BAZ1B: variants seen among roughly 807,000 people sequenced by gnomAD.
BAZ1B encodes the protein tyrosine-protein kinase BAZ1B.
Under a neutral mutation model 153.8 loss-of-function variants are expected in BAZ1B, and 22 were observed. The ratio of observed to expected loss-of-function variants is 0.14; its 90% CI spans 0.10 to 0.20. BAZ1B has a LOEUF of 0.20. Among genes scored for constraint, BAZ1B ranks in the 10% least tolerant of loss-of-function variants. The pLI is 1.00. For missense variants in BAZ1B, 1,325 were observed against 1,799.3 expected (o/e 0.74, Z 4.77); for synonymous variants, 676 against 633.4 (o/e 1.07, Z -1.01).
chr7:73,443,830 C>T (rs1554565653), intron 17 of BAZ1B, among the ~76,000 whole-genome samples, 154 bp downstream of exon 17: 2 of 152,222 alleles, frequency 1.3e-5, no homozygotes, highest in Non-Finnish European at 2.9e-5. Context: ...TGTCTGCGTA[C>T]AGGCTCACCC....
intron 4 of BAZ1B, among the ~76,000 whole-genome samples, chr7:73,497,567 ACT>A (rs1324369645): frequency 3.9e-5 from 6 of 151,984 alleles, no homozygotes; most frequent in African/African-American, 1.4e-4. Context: ...GACATACCTA[ACT>A]CTTTGTTCTT....
At chr7:73,461,243 T>C (rs1788386659) in intron 12 of BAZ1B, among the ~76,000 whole-genome samples, 1 of 152,182 alleles carries the variant, frequency 6.6e-6, no homozygotes, top group African/African-American at 2.4e-5. Flanking sequence ...CCTAAAGTGC[T>C]GGGATTACAG....
intron 3 of BAZ1B, among the ~76,000 whole-genome samples, chr7:73,506,399 T>G (rs1790342148): frequency 6.6e-6 from 1 of 151,428 alleles, no homozygotes; most frequent in South Asian, 2.1e-4. Flanking sequence ...CTCGGGAGGC[T>G]GAGGCAGGAG....
chr7:73,511,020 C>G (rs375723202), intron 1 of BAZ1B, among the ~76,000 whole-genome samples, 168 bp from the exon 2 acceptor site: 1 of 152,040 alleles, frequency 6.6e-6, no homozygotes, highest in East Asian at 1.9e-4. Flanking sequence ...GCCTGTAATC[C>G]CAGCACTTTG....
chr7:73,515,233 G>C (rs1232021417), intron 1 of BAZ1B, among the ~76,000 whole-genome samples: 2 of 152,130 alleles, frequency 1.3e-5, no homozygotes, highest in African/African-American at 4.8e-5. Context: ...CTTCAAATAT[G>C]ATAGATTGTA....
chr7:73,470,568 G>A (rs1346380191), intron 7 of BAZ1B, 85 bp from the exon 8 acceptor site: 8 of 1,488,608 alleles, frequency 5.4e-6, no homozygotes, highest in African/African-American at 4.2e-5. Context: ...AGTAAAAAGT[G>A]CCTAGTATAC....
intron 3 of BAZ1B, among the ~76,000 whole-genome samples, chr7:73,506,833 AAG>A (rs1316757096): frequency 6.9e-6 from 1 of 144,062 alleles, no homozygotes; most frequent in East Asian, 2.2e-4. Flanking sequence ...CCTAGGCGAC[AAG>A]AGCGAGACTC....
rs552965678 is a variant in BAZ1B at position 73,443,566 on chromosome 7, A to T, written c.3990+418T>A. On this transcript the variant is annotated intron_variant, in intron 17 of 19. Coordinates refer to ENST00000339594, the MANE Select transcript of BAZ1B (RefSeq NM_032408.4). ...TTTAAAGCTCAAGTGAGATCTAAAAACTACTAAAATTACATTGGTTAAGGA... is the reference window on the plus strand; with the variant it reads ...TTTAAAGCTCAAGTGAGATCTAAAATCTACTAAAATTACATTGGTTAAGGA... 7.2e-5 allele frequency among the ~76,000 whole-genome samples: 11 copies of T among 152,276 alleles called. No homozygotes were observed. In the East Asian group the frequency reaches 2.1e-3, roughly 29 times the overall value.
At chr7:73,501,318 G>A (rs868945020) in intron 3 of BAZ1B, among the ~76,000 whole-genome samples, 1 of 152,108 alleles carries the variant, frequency 6.6e-6, no homozygotes, top group Non-Finnish European at 1.5e-5. Flanking sequence ...CCTAACCTTT[G>A]ACAACCTGTA....
At chr7:73,502,831 C>G (rs553261693) in intron 3 of BAZ1B, among the ~76,000 whole-genome samples, 2 of 152,212 alleles carry the variant, frequency 1.3e-5, no homozygotes, top group Admixed American at 1.3e-4. Flanking sequence ...AGCCTACGCA[C>G]AGGTGGAAAC....
At chr7:73,519,743 T>G (rs1236997441) in intron 1 of BAZ1B, among the ~76,000 whole-genome samples, 3 of 152,132 alleles carry the variant, frequency 2.0e-5, no homozygotes, top group South Asian at 2.1e-4. Context: ...ACTTAGAAAT[T>G]GTCTCTTCTC....
chr7:73,514,061 T>C (rs1469923678), intron 1 of BAZ1B, among the ~76,000 whole-genome samples: 3 of 152,224 alleles, frequency 2.0e-5, no homozygotes, highest in African/African-American at 7.2e-5. Flanking sequence ...TTATACTTAC[T>C]AGTTCAGCAT....
intron 7 of BAZ1B, among the ~76,000 whole-genome samples, chr7:73,471,775 T>C (rs931387654): frequency 6.6e-6 from 1 of 152,020 alleles, no homozygotes; most frequent in African/African-American, 2.4e-5. Flanking sequence ...ATTTAAAACA[T>C]GGAATTTGTT....
At chr7:73,466,265 G>A in intron 10 of BAZ1B, 31 bp downstream of exon 10, 5 of 1,495,776 alleles carry the variant, frequency 3.3e-6, no homozygotes, top group Non-Finnish European at 4.6e-6. Context: ...AAAGGAAAAA[G>A]AAAGAGCAAC....
chr7:73,504,109 C>A (rs977985855), intron 3 of BAZ1B, among the ~76,000 whole-genome samples: 41 of 152,204 alleles, frequency 2.7e-4, no homozygotes, highest in African/African-American at 9.4e-4. Flanking sequence ...TTTTCCTTAA[C>A]CCTGATCAGA....
intron 1 of BAZ1B, among the ~76,000 whole-genome samples, chr7:73,514,041 A>C (rs1790693143): frequency 6.6e-6 from 1 of 152,202 alleles, no homozygotes; most frequent in Admixed American, 6.5e-5. Context: ...CAGATTTTGG[A>C]GTATTTGCAT....
intron 4 of BAZ1B, among the ~76,000 whole-genome samples, chr7:73,493,839 C>CA (rs142781016): frequency 0.046 from 2,675 of 57,972 alleles, 45 homozygotes; most frequent in African/African-American, 0.093. Flanking sequence ...ACCCTGTCTC[C>CA]AAAAAAAAAA....
At chr7:73,454,861 G>A (rs1788135813) in intron 13 of BAZ1B, among the ~76,000 whole-genome samples, 1 of 152,040 alleles carries the variant, frequency 6.6e-6, no homozygotes, top group African/African-American at 2.4e-5. Flanking sequence ...AAGAACTTAA[G>A]GCTTTTTTTT....
chr7:73,469,437 G>A lies in BAZ1B; in HGVS notation c.2866+80C>T, dbSNP rs1175353664. The A allele has an allele frequency of 3.1e-5, 48 of 1,530,122 alleles. No homozygotes were observed. In the Middle Eastern group the frequency reaches 1.3e-3, roughly 42 times the overall value. The allele number at this position is 1,530,122 out of a possible 1,614,324, so 94.8% of individuals were successfully genotyped here. On this transcript the variant is annotated intron_variant, in intron 9 of 19. Coordinates refer to ENST00000339594, the MANE Select transcript of BAZ1B (RefSeq NM_032408.4). ...TAAAGAAATTCTGCAAATGGAAAAC[G>A]TGACAGAGGAAAAGCAGTCCTTAAT...
Sources: gnomAD v4.1 joint callset for allele counts (sites outside exome capture counted in the v4.1 genomes callset) on GRCh38, gnomAD v4.1.1 for gene constraint, MANE v1.5 for transcripts, NCBI Gene and HGNC (gene_info 2026-07-23, HGNC 2026-07-21) for gene names.